The following SLC25A18 variants were observed in gnomAD, a reference collection of about 807,000 sequenced individuals.
The protein encoded by SLC25A18 is mitochondrial glutamate carrier 2.
Under a neutral mutation model 31.1 loss-of-function variants are expected in SLC25A18, and 24 were observed. That is an observed-to-expected ratio of 0.77 (90% CI 0.56 to 1.08). SLC25A18 has a LOEUF of 1.08. Among genes scored for constraint, SLC25A18 ranks in the 50% least tolerant of loss-of-function variants. The probability of loss-of-function intolerance (pLI) is 0.00; values close to 1 mark genes in which losing one functional copy is unlikely to be tolerated. For missense variants in SLC25A18, 371 were observed against 418.5 expected (o/e 0.89, Z 0.99); for synonymous variants, 173 against 161.9 (o/e 1.07, Z -0.52).
Position 17,585,620 on chromosome 22 carries a change from A to G in SLC25A18, c.410-1516A>G, listed in dbSNP as rs549483266. Among the ~76,000 whole-genome samples, 677 of 146,732 alleles carry G rather than the reference A, an allele frequency of 4.6e-3. 5 individuals carry two copies. Among genetic ancestry groups the G allele is most frequent in the African/African-American group, 0.016 (638 of 39,650 alleles). Reference sequence around the variant, plus strand: ...AATGGGGCTCACAACATTTTATTTTATTATTATTTATTTTATTATTATTAT... The same window carrying G: ...AATGGGGCTCACAACATTTTATTTTGTTATTATTTATTTTATTATTATTAT... On this transcript the variant is annotated intron_variant, in intron 7 of 10. Transcript: ENST00000327451.
At chr22:17,588,857 T>C in intron 9 of SLC25A18, 1 of 151,414 alleles carries the variant, frequency 6.6e-6, no homozygotes, top group Non-Finnish European at 1.5e-5. Context: ...CCCAGGAATT[T>C]GAGACCAGCC....
chr22:17,590,021 T>C (rs1601359266), intron 10 of SLC25A18, 74 bp from the exon 11 acceptor site: 12 of 1,586,016 alleles, frequency 7.6e-6, no homozygotes, highest in South Asian at 2.2e-5. Context: ...GGTGCACAAA[T>C]GGAGAGGCTG....
intron 8 of SLC25A18, 122 bp downstream of exon 8, chr22:17,587,423 G>GATT: frequency 8.0e-7 from 1 of 1,256,440 alleles, no homozygotes; most frequent in Non-Finnish European, 1.1e-6. Context: ...GTGAGCAAAC[G>GATT]ATTTCCATGC....
In SLC25A18 at chr22:17,581,621, C is replaced by A. The variant is rs2057377237; in HGVS notation, c.199+208C>A. The A allele has an allele frequency of 7.0e-6, 4 of 572,886 alleles. No individual in the cohort carries two copies. In the East Asian group the frequency reaches 8.8e-5, roughly 13 times the overall value. The allele number at this position is 572,886 out of a possible 1,614,324, so 35.5% of individuals were successfully genotyped here. On this transcript the variant is annotated intron_variant, in intron 5 of 10. Transcript: ENST00000327451. ...GACCCACAGAGCACACCCCCCGCCA[C>A]CGCCTCAGTAAGAGCAGGCGAGCCC...
intron 2 of SLC25A18, among the ~76,000 whole-genome samples, chr22:17,571,206 G>A (rs976057482): frequency 3.3e-5 from 5 of 152,212 alleles, no homozygotes; most frequent in African/African-American, 1.2e-4. Flanking sequence ...TGGATTTGAA[G>A]GCAACAAGGC....
rs1555947157 is a variant in SLC25A18, at chr22:17,574,830, T to TTTTTTATTATTATTATTATTATTATTA, written c.-201+4846_-201+4847insTTTATTATTATTATTATTATTATTATT. On this transcript the variant is annotated intron_variant, in intron 2 of 10. Transcript: ENST00000327451. ...GCCACTGTGCCTGGCCAATGTTCCC[T>TTTTTTATTATTATTATTATTATTATTA]TTATTATTATTATTATTATTATTTA... is the stretch of plus-strand genomic sequence containing the variant. Among the ~76,000 whole-genome samples, 413 of 137,860 alleles carry TTTTTTATTATTATTATTATTATTATTA rather than the reference T, an allele frequency of 3.0e-3. 12 individuals carry two copies. Among genetic ancestry groups the TTTTTTATTATTATTATTATTATTATTA allele is most frequent in the African/African-American group, 0.011 (394 of 34,904 alleles). 90.4% of individuals were successfully genotyped at this position (137,860 alleles called of 152,430 possible). A position where few individuals can be genotyped will look rare whatever the true frequency, so the allele number is the denominator to read the frequency against.
chr22:17,565,470 C>T (rs1045534865), intron 1 of SLC25A18, among the ~76,000 whole-genome samples: 2 of 152,114 alleles, frequency 1.3e-5, no homozygotes, highest in Non-Finnish European at 2.9e-5. Context: ...AACCCCAGGG[C>T]TCAAATGATC....
intron 2 of SLC25A18, among the ~76,000 whole-genome samples, chr22:17,577,547 T>G (rs1442455449): frequency 6.6e-6 from 1 of 150,420 alleles, no homozygotes; most frequent in East Asian, 2.0e-4. Flanking sequence ...TTGGACTCCC[T>G]GGCTTCAGAC....
chr22:17,587,378 T>A (rs1198043277), intron 8 of SLC25A18, 77 bp downstream of exon 8: 1 of 1,492,022 alleles, frequency 6.7e-7, no homozygotes, highest in Non-Finnish European at 9.0e-7. Flanking sequence ...TGTCCCTATC[T>A]GCCTCTGTGT....
chr22:17,573,463 G>T (rs142933236), intron 2 of SLC25A18, among the ~76,000 whole-genome samples: 1 of 152,142 alleles, frequency 6.6e-6, no homozygotes, highest in South Asian at 2.1e-4. Context: ...GTGGTGAGGA[G>T]GTAGGACTCA....
intron 1 of SLC25A18, 113 bp downstream of exon 1, chr22:17,563,826 TGAATACA>T (rs1371629034): frequency 3.4e-6 from 2 of 580,300 alleles, no homozygotes; most frequent in South Asian, 7.5e-5. Flanking sequence ...ACCTGTATTG[TGAATACA>T]GAATACAGAA....
rs201926051 is a variant in SLC25A18, at chr22:17,584,422, A to AGAAAGAAAGAAAGAAAGAAAGGAAG, written c.409+891_409+892insAGAAAGAAAGAAAGAAAGGAAGGAA. Among the ~76,000 whole-genome samples, 93 of 134,168 alleles carry AGAAAGAAAGAAAGAAAGAAAGGAAG rather than the reference A, an allele frequency of 6.9e-4. 2 individuals carry two copies. The highest frequency in any genetic ancestry group is 9.0e-4 in the Non-Finnish European group (58 of 64,160). 88.0% of individuals were successfully genotyped at this position (134,168 alleles called of 152,430 possible). Reference sequence around the variant, plus strand: ...AGAAAAGAAAGAAAGAAAGAAAGAAAGAAGGAAGGAAGGAAGGAAGGAAGG... The same window carrying AGAAAGAAAGAAAGAAAGAAAGGAAG: ...AGAAAAGAAAGAAAGAAAGAAAGAAAGAAAGAAAGAAAGAAAGAAAGGAAGGAAGGAAGGAAGGAAGGAAGGAAGG... On this transcript the variant is annotated intron_variant, in intron 7 of 10. Transcript: ENST00000327451.
At chr22:17,587,843 T>TCA in intron 8 of SLC25A18, 82 bp from the exon 9 acceptor site, 3 of 1,578,242 alleles carry the variant, frequency 1.9e-6, no homozygotes. Context: ...GCCCCACAGC[T>TCA]CACAGCAAAG....
rs780473394 is a variant in SLC25A18 at position 17,582,665 on chromosome 22, T to A, written c.290+12T>A. On this transcript the variant is annotated intron_variant, in intron 6 of 10. Coordinates refer to ENST00000327451, the MANE Select transcript of SLC25A18 (RefSeq NM_031481.3). ...CTCATGGAAGATGGGTATGGCCAGG[T>A]GGGGTGGGGTTGGATCCTTCACTGT... is the stretch of plus-strand genomic sequence containing the variant. 3 of 1,590,778 alleles carry A rather than the reference T, an allele frequency of 1.9e-6. No individual in the cohort carries two copies. Among genetic ancestry groups the A allele is most frequent in the South Asian group, 2.3e-5 (2 of 87,758 alleles).
At chr22:17,565,323 C>T (rs1394268606) in intron 1 of SLC25A18, among the ~76,000 whole-genome samples, 1 of 152,074 alleles carries the variant, frequency 6.6e-6, no homozygotes, top group African/African-American at 2.4e-5. Context: ...CCTCGTGATC[C>T]ACCCACCTCG....
chr22:17,573,513 T>C (rs889085483), intron 2 of SLC25A18, among the ~76,000 whole-genome samples: 3 of 152,174 alleles, frequency 2.0e-5, no homozygotes, highest in Admixed American at 6.5e-5. Flanking sequence ...ACCTGGGGGC[T>C]GGAGGACTAG....
chr22:17,587,890 C>T (rs1366287728), intron 8 of SLC25A18, 35 bp from the exon 9 acceptor site: 4 of 1,613,452 alleles, frequency 2.5e-6, no homozygotes, highest in Non-Finnish European at 3.4e-6. Flanking sequence ...CCCAGGGCAG[C>T]TCGGAGCTCA....
chr22:17,563,659 C>G lies in SLC25A18; in HGVS notation c.-318C>G, dbSNP rs1479350020. ...GAGAAGAGTCGAGTGAAGCCTGGCC[C>G]GTGAGTGCCTCAACAACTGAGATGA... On this transcript the variant is annotated 5_prime_UTR_variant, in exon 1 of 11. Coordinates refer to ENST00000327451, the MANE Select transcript of SLC25A18 (RefSeq NM_031481.3). The G allele has an allele frequency of 2.0e-6, 2 of 985,318 alleles. No homozygotes were observed. 61.0% of individuals were successfully genotyped at this position (985,318 alleles called of 1,614,324 possible).
chr22:17,590,185 A>G lies in SLC25A18; in HGVS notation c.897A>G (p.Gln299=). 1 of 1,614,204 alleles carries G rather than the reference A, an allele frequency of 6.2e-7. No individual in the cohort carries two copies. The highest frequency in any genetic ancestry group is 8.5e-7 in the Non-Finnish European group (1 of 1,180,040). ...LVIAPLFGIA[Q]GVYFIGIGER... is the part of the protein sequence containing the mutation. ...TAGCACCTCTCTTTGGGATTGCTCAAGGGGTCTATTTTATTGGGATTGGAG... is the reference window on the plus strand; with the variant it reads ...TAGCACCTCTCTTTGGGATTGCTCAGGGGGTCTATTTTATTGGGATTGGAG... Residue 299 remains glutamine (Q), a synonymous_variant, in exon 11 of 11, where the codon CAA becomes CAG. Transcript: ENST00000327451.
Sources: gnomAD v4.1 joint callset for allele counts (sites outside exome capture counted in the v4.1 genomes callset) on GRCh38, gnomAD v4.1.1 for gene constraint, MANE v1.5 for transcripts, NCBI Gene and HGNC (gene_info 2026-07-23, HGNC 2026-07-21) for gene names.